Variants in LRRC24 observed in about 807,000 individuals in gnomAD.
LRRC24 encodes the protein leucine-rich repeat-containing protein 24.
A neutral mutation model predicts 15.3 loss-of-function variants in LRRC24; 19 were observed. The observed-to-expected ratio is 1.25, with a 90% CI of 0.87 to 1.83. The LOEUF is 1.83. Ranked by LOEUF, LRRC24 falls within the 40% of genes most tolerant of loss-of-function variation. The pLI is 0.00. For missense variants in LRRC24, 914 were observed against 723.9 expected, an observed-to-expected ratio of 1.26 and a Z score of -3.01; for synonymous variants, 469 against 359.6, an observed-to-expected ratio of 1.30 and a Z score of -3.44.
In LRRC24 at chr8:144,524,732, G is replaced by T; in HGVS notation, c.160-13C>A. 1 of 1,442,902 alleles carries T rather than the reference G, an allele frequency of 6.9e-7. No homozygotes were observed. The highest frequency in any genetic ancestry group is 2.6e-5 in the East Asian group (1 of 38,350). 89.4% of individuals were successfully genotyped at this position (1,442,902 alleles called of 1,614,324 possible). A position where few individuals can be genotyped will look rare whatever the true frequency, so the allele number is the denominator to read the frequency against. On this transcript the variant is annotated splice_polypyrimidine_tract_variant and intron_variant, in intron 2 of 4. Transcript: ENST00000529415. ...GCAGGAACAGTGTCTGCAGGCCGGGGAAAGAGGAGGCGCTTACCCCGTTGC... is the reference window on the plus strand; with the variant it reads ...GCAGGAACAGTGTCTGCAGGCCGGGTAAAGAGGAGGCGCTTACCCCGTTGC...
rs1004209036 is a variant in LRRC24, at chr8:144,524,897, G to A, written c.78C>T (p.Ala26=). 5.9e-6 allele frequency: 9 copies of A among 1,515,062 alleles called. No individual in the cohort carries two copies. The highest frequency in any genetic ancestry group is 5.5e-5 in the African/African-American group (4 of 72,086). The allele number at this position is 1,515,062 out of a possible 1,614,324, so 93.9% of individuals were successfully genotyped here. A position where few individuals can be genotyped will look rare whatever the true frequency, so the allele number is the denominator to read the frequency against. Residue 26 remains alanine (A), a synonymous_variant, in exon 2 of 5, where the codon GCC becomes GCT. Transcript: ENST00000529415. ...LPLRAAGCPA[A]CRCYSATVEC... is the part of the protein sequence containing the mutation. ...CCACCGTGGCGCTGTAGCAGCGGCAGGCTGCTGGGCAGCCGGCGGCGCGGA... is the reference window on the plus strand; with the variant it reads ...CCACCGTGGCGCTGTAGCAGCGGCAAGCTGCTGGGCAGCCGGCGGCGCGGA...
Position 144,522,483 on chromosome 8 carries a change from G to A in LRRC24, c.1534C>T (p.His512Tyr), listed in dbSNP as rs749035654. Reference sequence around the variant, plus strand: ...TCCGCGCGCCCGCGGCCCTAGCAGTGGATCTCGTAGGCGACCGGCGGGGGC... The same window carrying A: ...TCCGCGCGCCCGCGGCCCTAGCAGTAGATCTCGTAGGCGACCGGCGGGGGC... ...RVPPPVAYEI[H>Y]C The change falls in exon 5 of 5, where the codon CAC becomes TAC. Residue 512 changes from histidine to tyrosine, a missense_variant. Physicochemically the swap from His to Tyr is moderately conservative, Grantham distance 83. Transcript: ENST00000529415. 9 of 1,486,588 alleles carry A rather than the reference G, an allele frequency of 6.1e-6. No individual in the cohort carries two copies. In the South Asian group the frequency reaches 7.9e-5, roughly 13 times the overall value. The allele number at this position is 1,486,588 out of a possible 1,614,324, so 92.1% of individuals were successfully genotyped here.
rs1816303862 is a variant in LRRC24, at chr8:144,524,903, T to G, written c.72A>C (p.Pro24=). 6.6e-7 allele frequency: 1 copy of G among 1,514,994 alleles called. No homozygotes were observed. Among genetic ancestry groups the G allele is most frequent in the African/African-American group, 1.4e-5 (1 of 72,182 alleles). The allele number at this position is 1,514,994 out of a possible 1,614,324, so 93.8% of individuals were successfully genotyped here. ...LLLPLRAAGC[P]AACRCYSATV... is the part of the protein sequence containing the mutation. Reference sequence around the variant, plus strand: ...TGGCGCTGTAGCAGCGGCAGGCTGCTGGGCAGCCGGCGGCGCGGAGCGGCA... The same window carrying G: ...TGGCGCTGTAGCAGCGGCAGGCTGCGGGGCAGCCGGCGGCGCGGAGCGGCA... Residue 24 remains proline, a synonymous_variant, in exon 2 of 5, where the codon CCA becomes CCC. Transcript: ENST00000529415.
chr8:144,523,368 C>G lies in LRRC24; in HGVS notation c.649G>C (p.Ala217Pro). 6.4e-7 allele frequency: 1 copy of G among 1,574,244 alleles called. No individual in the cohort carries two copies. Among genetic ancestry groups the G allele is most frequent in the Non-Finnish European group, 8.6e-7 (1 of 1,157,496 alleles). ...RCDCALHWLG[A>P]WIKEGGQRLL... ...CGCTGGCCGCCCTCCTTGATCCAGG[C>G]ACCCAGCCAGTGCAGGGCGCAGTCA... Residue 217 changes from alanine to proline, a missense_variant, in exon 5 of 5, where the codon GCC (alanine) becomes CCC (proline). Physicochemically the swap from Ala to Pro is conservative, Grantham distance 27. Transcript: ENST00000529415.
rs535000622 is a variant in LRRC24 at position 144,524,230 on chromosome 8, C to T, written c.487G>A (p.Asp163Asn). 3 of 1,612,644 alleles carry T rather than the reference C, an allele frequency of 1.9e-6. No individual in the cohort carries two copies. In the South Asian group the frequency reaches 3.3e-5, roughly 18 times the overall value. ...LQENSIELLEDQALAGLSSLA... is the reference protein window; with the variant it reads ...LQENSIELLENQALAGLSSLA... The stretch of plus-strand genomic sequence containing the variant: ...GAGGACAGCCCCGCTAGAGCCTGGT[C>T]CTCCAGCAGCTCAATGCTGTTTTCT... The change falls in exon 4 of 5, where the codon GAC (aspartate) becomes AAC (asparagine). Residue 163 changes from aspartate to asparagine, a missense_variant. Transcript: ENST00000529415.
Position 144,522,757 on chromosome 8 carries a change from G to T in LRRC24, c.1260C>A (p.Leu420=). The T allele has an allele frequency of 1.3e-6, 2 of 1,579,520 alleles. No homozygotes were observed. Among genetic ancestry groups the T allele is most frequent in the South Asian group, 1.1e-5 (1 of 87,080 alleles). ...GCCGGCGACAGATCATGGCGACCAG[G>T]AGCAGCGCCGTGAGCGCCAGCAGCG... The part of the protein sequence containing the change: ...AIALLALTAL[L]LVAMICRRRR... The change falls in exon 5 of 5, where the codon CTC becomes CTA. Residue 420 remains leucine (L), a synonymous_variant. Coordinates refer to ENST00000529415, the MANE Select transcript of LRRC24 (RefSeq NM_001024678.4).
intron 4 of LRRC24, 85 bp from the exon 5 acceptor site, chr8:144,523,494 G>A: frequency 2.8e-6 from 4 of 1,450,728 alleles, no homozygotes; most frequent in Non-Finnish European, 2.7e-6. Flanking sequence ...CCAGGACAGA[G>A]GCCTCTTTCC....
Position 144,522,450 on chromosome 8 carries a change from C to G in LRRC24, c.*25G>C. 7.2e-7 allele frequency: 1 copy of G among 1,396,016 alleles called. No individual in the cohort carries two copies. Among genetic ancestry groups the G allele is most frequent in the Non-Finnish European group, 9.2e-7 (1 of 1,083,974 alleles). The allele number at this position is 1,396,016 out of a possible 1,614,324, so 86.5% of individuals were successfully genotyped here. A position where few individuals can be genotyped will look rare whatever the true frequency, so the allele number is the denominator to read the frequency against. On this transcript the variant is annotated 3_prime_UTR_variant, in exon 5 of 5. Transcript: ENST00000529415. ...GGCCGCACCGGCCAATCTCCGGCGCCCACGTCATCCGCGCGCCCGCGGCCC... is the reference window on the plus strand; with the variant it reads ...GGCCGCACCGGCCAATCTCCGGCGCGCACGTCATCCGCGCGCCCGCGGCCC...
In LRRC24 at chr8:144,524,204, G is replaced by A; in HGVS notation, c.513C>T (p.Ser171=). 6.2e-7 allele frequency: 1 copy of A among 1,612,604 alleles called. No homozygotes were observed. Among genetic ancestry groups the A allele is most frequent in the Non-Finnish European group, 8.5e-7 (1 of 1,179,908 alleles). ...LEDQALAGLS[S]LALLDLSRNQ... is the part of the protein sequence containing the mutation. ...TCCTGCTGAGGTCCAGCAGTGCTAG[G>A]GAGGACAGCCCCGCTAGAGCCTGGT... The change falls in exon 4 of 5, where the codon TCC becomes TCT. Residue 171 remains serine (S), a synonymous_variant. Coordinates refer to ENST00000529415, the MANE Select transcript of LRRC24 (RefSeq NM_001024678.4).
chr8:144,523,179 C>T lies in LRRC24; in HGVS notation c.838G>A (p.Ala280Thr), dbSNP rs1391591488. Residue 280 changes from alanine to threonine, a missense_variant, in exon 5 of 5, where the codon GCC becomes ACC. Physicochemically the swap from Ala to Thr is moderately conservative, Grantham distance 58. Coordinates refer to ENST00000529415, the MANE Select transcript of LRRC24 (RefSeq NM_001024678.4). ...TGCGGGTAGCCGGAGGCTTGGCAGG[C>T]AACCCGCAGGTCCTCACCCAGGTTG... ...TANLGEDLRVACQASGYPQPL... is the reference protein window; with the variant it reads ...TANLGEDLRVTCQASGYPQPL... The T allele has an allele frequency of 1.9e-6, 3 of 1,609,910 alleles. No individual in the cohort carries two copies. The highest frequency in any genetic ancestry group is 2.5e-6 in the Non-Finnish European group (3 of 1,178,832).
Position 144,523,010 on chromosome 8 carries a change from G to A in LRRC24, c.1007C>T (p.Thr336Met), listed in dbSNP as rs1325695656. The A allele has an allele frequency of 1.9e-6, 3 of 1,597,096 alleles. No individual in the cohort carries two copies. Among genetic ancestry groups the A allele is most frequent in the South Asian group, 2.2e-5 (2 of 90,364 alleles). ...GSGMLFLSNI[T>M]LAHAGKYECE... ...CTCGTACTTACCGGCGTGCGCCAGC[G>A]TGATGTTGCTGAGGAAGAGCATGCC... Residue 336 changes from threonine to methionine, a missense_variant, in exon 5 of 5, where the codon ACG becomes ATG. By Grantham distance (81) the Thr-to-Met change is moderately conservative (BLOSUM62 -1). Coordinates refer to ENST00000529415, the MANE Select transcript of LRRC24 (RefSeq NM_001024678.4).
At chr8:144,524,779 G>A in intron 2 of LRRC24, 37 bp downstream of exon 2, 1 of 1,435,686 alleles carries the variant, frequency 7.0e-7, no homozygotes, top group Non-Finnish European at 9.1e-7. Context: ...TCTCCCTGGG[G>A]GCACCCCGTC....
intron 1 of LRRC24, chr8:144,525,810 G>C (rs2130800784): frequency 6.6e-6 from 1 of 152,334 alleles, no homozygotes; most frequent in African/African-American, 2.4e-5. Context: ...GGGTGGGACA[G>C]GGGACGCCTT....
intron 4 of LRRC24, 165 bp downstream of exon 4, chr8:144,523,944 TC>T: frequency 1.3e-6 from 1 of 771,216 alleles, no homozygotes. Flanking sequence ...TGAGCTGTAT[TC>T]CCCAGCACAC....
Position 144,523,066 on chromosome 8 carries a change from C to T in LRRC24, c.951G>A (p.Leu317=). The T allele has an allele frequency of 1.2e-6, 2 of 1,606,844 alleles. No individual in the cohort carries two copies. Among genetic ancestry groups the T allele is most frequent in the South Asian group, 2.2e-5 (2 of 90,908 alleles). Residue 317 remains leucine, a synonymous_variant, in exon 5 of 5, where the codon CTG becomes CTA. Coordinates refer to ENST00000529415, the MANE Select transcript of LRRC24 (RefSeq NM_001024678.4). ...QAQLEGGLLG[L]GGHSASDTGS... The stretch of plus-strand genomic sequence containing the variant: ...CCGTGTCGGATGCCGAGTGTCCGCC[C>T]AGGCCCAGCAACCCGCCTTCTAGCT...
chr8:144,526,411 CA>C (rs1290099684), intron 1 of LRRC24: 7 of 152,280 alleles, frequency 4.6e-5, no homozygotes, highest in Non-Finnish European at 1.0e-4. Context: ...GAAGGCTTCT[CA>C]AGTGGAGAAG....
intron 1 of LRRC24, chr8:144,526,436 G>A (rs534302558): frequency 1.3e-5 from 2 of 152,462 alleles, no homozygotes; most frequent in Admixed American, 6.5e-5. Context: ...CTTGGCCTCA[G>A]AACTCACGGC....
chr8:144,526,194 ATTAT>A (rs1202090791), intron 1 of LRRC24: 6 of 152,232 alleles, frequency 3.9e-5, no homozygotes, highest in Non-Finnish European at 7.3e-5. Flanking sequence ...AACTCACATG[ATTAT>A]TTAAAGTCAC....
rs1364399042 is a variant in LRRC24 at position 144,523,280 on chromosome 8, C to G, written c.737G>C (p.Ser246Thr). The stretch of plus-strand genomic sequence containing the variant: ...GCTGCTGTGGGATACGTCCAGGAGA[C>G]TCTGGAGCGCCAGGCGCGGGGGCTC... ...CAEPPRLALQ[S>T]LLDVSHSSLI... The change falls in exon 5 of 5, where the codon AGT becomes ACT. Residue 246 changes from serine to threonine, a missense_variant. By Grantham distance (58) the Ser-to-Thr change is moderately conservative. Coordinates refer to ENST00000529415, the MANE Select transcript of LRRC24 (RefSeq NM_001024678.4). 6.2e-7 allele frequency: 1 copy of G among 1,610,946 alleles called. No homozygotes were observed. Among genetic ancestry groups the G allele is most frequent in the Non-Finnish European group, 8.5e-7 (1 of 1,179,164 alleles).
Sources: allele counts gnomAD v4.1 joint callset, GRCh38; gene constraint gnomAD v4.1.1; transcripts MANE v1.5; gene names NCBI Gene and HGNC (gene_info 2026-07-23, HGNC 2026-07-21).